Variants in UGT1A1 observed in about 807,000 individuals in gnomAD.
UGT1A1 encodes UDP-glucuronosyltransferase 1A1.
In UGT1A1, 33 loss-of-function variants were observed where a neutral mutation model predicts 40.6. That is an observed-to-expected ratio of 0.81 (90% CI 0.62 to 1.09). The LOEUF (loss-of-function observed/expected upper bound fraction) is 1.09, where lower values mean the gene tolerates loss of function less well. Among genes scored for constraint, UGT1A1 ranks in the 50% least tolerant of loss-of-function variants. The pLI is 0.00. For synonymous variants in UGT1A1, 249 were observed against 265.0 expected (o/e 0.94, Z 0.59); for missense variants, 694 against 671.2 (o/e 1.03, Z -0.38).
chr2:233,761,935 G>A (rs1036526239), intron 1 of UGT1A1, among the ~76,000 whole-genome samples: 1 of 152,192 alleles, frequency 6.6e-6, no homozygotes, highest in African/African-American at 2.4e-5. Context: ...GCACTTCCCA[G>A]GTGCTGCGTC....
Position 233,769,827 on chromosome 2 carries a change from C to A in UGT1A1, c.1304+1388C>A, listed in dbSNP as rs926014830. ...CCGTGATCATGCCACTGCACTCCAGCAACCTGGGCAACAGAGTGAGACCCT... is the reference window on the plus strand; with the variant it reads ...CCGTGATCATGCCACTGCACTCCAGAAACCTGGGCAACAGAGTGAGACCCT... On this transcript the variant is annotated intron_variant, in intron 4 of 4. Transcript: ENST00000305208. This position sits in a 1 kb window ranked among gnomAD's most constrained non-coding sequence, Gnocchi z 4.4. 26 of 649,106 alleles carry A rather than the reference C, an allele frequency of 4.0e-5. No individual in the cohort carries two copies. The highest frequency in any genetic ancestry group is 5.2e-5 in the Non-Finnish European group (23 of 440,480). 40.2% of individuals were successfully genotyped at this position (649,106 alleles called of 1,614,324 possible). A position where few individuals can be genotyped will look rare whatever the true frequency, so the allele number is the denominator to read the frequency against.
intron 1 of UGT1A1, among the ~76,000 whole-genome samples, chr2:233,763,852 CACAG>C (rs1251702771): frequency 6.6e-6 from 1 of 152,136 alleles, no homozygotes; most frequent in Admixed American, 6.5e-5. Flanking sequence ...AGCAGTGGTT[CACAG>C]ACAATCGCAA....
chr2:233,767,805 T>C lies in UGT1A1; in HGVS notation c.997-44T>C, dbSNP rs774301079. On this transcript the variant is annotated intron_variant, in intron 2 of 4. Coordinates refer to ENST00000305208, the MANE Select transcript of UGT1A1 (RefSeq NM_000463.3). The stretch of plus-strand genomic sequence containing the variant: ...GTATAGCAGATTTGTTTTCTAATCA[T>C]ATTATGTTCTTTCTTTACGTTCTGC... 24 of 1,614,048 alleles carry C rather than the reference T, an allele frequency of 1.5e-5. No homozygotes were observed. In the South Asian group the frequency reaches 2.5e-4, roughly 17 times the overall value.
At position 233,761,128 on chromosome 2, in the gene UGT1A1, C is replaced by T; in HGVS notation, c.841C>T (p.Leu281Phe). The change falls in exon 1 of 5, where the codon CTT (leucine) becomes TTT (phenylalanine). Residue 281 changes from leucine to phenylalanine, a missense_variant. By Grantham distance (22) the Leu-to-Phe change is conservative. Coordinates refer to ENST00000305208, the MANE Select transcript of UGT1A1 (RefSeq NM_000463.3). ...GGTTTTTGTTGGTGGAATCAACTGC[C>T]TTCACCAAAATCCACTATCCCAGGT... is the stretch of plus-strand genomic sequence containing the variant. ...NMVFVGGINC[L>F]HQNPLSQEFE... 1 of 1,614,190 alleles carries T rather than the reference C, an allele frequency of 6.2e-7. No homozygotes were observed. Among genetic ancestry groups the T allele is most frequent in the Non-Finnish European group, 8.5e-7 (1 of 1,180,040 alleles).
At position 233,769,766 on chromosome 2, in the gene UGT1A1, G is replaced by A; in HGVS notation, c.1304+1327G>A. On this transcript the variant is annotated intron_variant, in intron 4 of 4. Transcript: ENST00000305208. The surrounding 1 kb of genome is among the most constrained non-coding windows in gnomAD (Gnocchi z 4.4). The stretch of plus-strand genomic sequence containing the variant: ...GCCACTCTGGAGGCTAAGGCGGGAG[G>A]ATTGCTTGAGCCCAGAAGTTGGAGG... The A allele has an allele frequency of 1.4e-6, 2 of 1,395,536 alleles. No homozygotes were observed. Among genetic ancestry groups the A allele is most frequent in the South Asian group, 1.6e-5 (1 of 62,382 alleles). The allele number at this position is 1,395,536 out of a possible 1,614,324, so 86.4% of individuals were successfully genotyped here.
At chr2:233,764,522 C>G (rs1698581178) in intron 1 of UGT1A1, among the ~76,000 whole-genome samples, 1 of 152,138 alleles carries the variant, frequency 6.6e-6, no homozygotes, top group Non-Finnish European at 1.5e-5. Context: ...TGAATCACAT[C>G]CTGCTGATTG....
rs760444509 is a variant in UGT1A1 at position 233,769,505 on chromosome 2, C to G, written c.1304+1066C>G. The G allele has an allele frequency of 8.7e-6, 14 of 1,612,652 alleles. No individual in the cohort carries two copies. In the Admixed American group the frequency reaches 2.3e-4, roughly 27 times the overall value. ...CGTGTGTTTATGAGAGTGTCCATTG[C>G]TTTCTCCCATGGTTACCTCCTTTAG... On this transcript the variant is annotated intron_variant, in intron 4 of 4. Transcript: ENST00000305208. This position sits in a 1 kb window ranked among gnomAD's most constrained non-coding sequence, Gnocchi z 4.4.
At chr2:233,772,217 A>G (rs759524121) in intron 4 of UGT1A1, 45 bp from the exon 5 acceptor site, 1 of 1,612,380 alleles carries the variant, frequency 6.2e-7, no homozygotes, top group South Asian at 1.1e-5. Flanking sequence ...AGGATTGTTC[A>G]TACCACAGGT....
chr2:233,769,841 G>A lies in UGT1A1; in HGVS notation c.1304+1402G>A. On this transcript the variant is annotated intron_variant, in intron 4 of 4. Transcript: ENST00000305208. The surrounding 1 kb of genome is among the most constrained non-coding windows in gnomAD (Gnocchi z 4.4). ...CTGCACTCCAGCAACCTGGGCAACAGAGTGAGACCCTGTCTCAAAAAAAAA... is the reference window on the plus strand; with the variant it reads ...CTGCACTCCAGCAACCTGGGCAACAAAGTGAGACCCTGTCTCAAAAAAAAA... 1.8e-6 allele frequency: 1 copy of A among 550,094 alleles called. No individual in the cohort carries two copies. Among genetic ancestry groups the A allele is most frequent in the Non-Finnish European group, 2.8e-6 (1 of 353,910 alleles). The allele number at this position is 550,094 out of a possible 1,614,324, so 34.1% of individuals were successfully genotyped here.
chr2:233,771,112 C>T (rs1345932660), intron 4 of UGT1A1: 1 of 152,184 alleles, frequency 6.6e-6, no homozygotes. Flanking sequence ...CACTAAAGCA[C>T]AAGGGATCCG....
At chr2:233,764,695 A>C (rs1698624140) in intron 1 of UGT1A1, among the ~76,000 whole-genome samples, 1 of 152,184 alleles carries the variant, frequency 6.6e-6, no homozygotes. Context: ...GAGCACTTGG[A>C]AATGAGCTGT....
Position 233,761,090 on chromosome 2 carries a change from T to A in UGT1A1, c.803T>A (p.Ile268Asn). 1 of 1,614,218 alleles carries A rather than the reference T, an allele frequency of 6.2e-7. No homozygotes were observed. The highest frequency in any genetic ancestry group is 1.7e-5 in the Admixed American group (1 of 60,032). ...SDFVKDYPRP[I>N]MPNMVFVGGI... The stretch of plus-strand genomic sequence containing the variant: ...TTTGTGAAGGATTACCCTAGGCCCA[T>A]CATGCCCAATATGGTTTTTGTTGGT... The change falls in exon 1 of 5, where the codon ATC (isoleucine) becomes AAC (asparagine). Residue 268 changes from isoleucine to asparagine, a missense_variant. Ile to Asn is a moderately radical substitution (Grantham distance 149, BLOSUM62 -3). Coordinates refer to ENST00000305208, the MANE Select transcript of UGT1A1 (RefSeq NM_000463.3).
rs758873309 is a variant in UGT1A1 at position 233,767,044 on chromosome 2, C to G, written c.875C>G (p.Ala292Gly). The G allele has an allele frequency of 6.2e-7, 1 of 1,613,874 alleles. No homozygotes were observed. Among genetic ancestry groups the G allele is most frequent in the African/African-American group, 1.3e-5 (1 of 74,880 alleles). ...HQNPLSQEFE[A>G]YINASGEHGI... is the part of the protein sequence containing the mutation. ...TTCTTCTGGCTCTAGGAATTTGAAG[C>G]CTACATTAATGCTTCTGGAGAACAT... The change falls in exon 2 of 5, where the codon GCC becomes GGC. Residue 292 changes from alanine to glycine, a missense_variant. Ala to Gly is a moderately conservative substitution (Grantham distance 60). Coordinates refer to ENST00000305208, the MANE Select transcript of UGT1A1 (RefSeq NM_000463.3).
At chr2:233,764,379 G>A (rs1698547509) in intron 1 of UGT1A1, among the ~76,000 whole-genome samples, 1 of 152,204 alleles carries the variant, frequency 6.6e-6, no homozygotes, top group South Asian at 2.1e-4. Flanking sequence ...TCAGGTAGGA[G>A]TTGGCCGTGA....
chr2:233,760,299 G>A lies in UGT1A1; in HGVS notation c.12G>A (p.Glu4=), dbSNP rs781590934. 6.2e-7 allele frequency: 1 copy of A among 1,613,582 alleles called. No homozygotes were observed. The change falls in exon 1 of 5, where the codon GAG becomes GAA. Residue 4 remains glutamate, a synonymous_variant. Coordinates refer to ENST00000305208, the MANE Select transcript of UGT1A1 (RefSeq NM_000463.3). ...GGAGCAAAGGCGCCATGGCTGTGGAGTCCCAGGGCGGACGCCCACTTGTCC... is the reference window on the plus strand; with the variant it reads ...GGAGCAAAGGCGCCATGGCTGTGGAATCCCAGGGCGGACGCCCACTTGTCC... MAV[E]SQGGRPLVLG...
In UGT1A1 at chr2:233,769,594, G is replaced by A; in HGVS notation, c.1304+1155G>A. 2 of 1,612,864 alleles carry A rather than the reference G, an allele frequency of 1.2e-6. No homozygotes were observed. The highest frequency in any genetic ancestry group is 1.7e-6 in the Non-Finnish European group (2 of 1,179,872). On this transcript the variant is annotated intron_variant, in intron 4 of 4. Coordinates refer to ENST00000305208, the MANE Select transcript of UGT1A1 (RefSeq NM_000463.3). This position sits in a 1 kb window ranked among gnomAD's most constrained non-coding sequence, Gnocchi z 4.4. ...GAGCATGTTCAGATGAGAGGAGACG[G>A]AACACGGGGACACACCAGCTTGAGC... is the stretch of plus-strand genomic sequence containing the variant.
chr2:233,760,312 C>A lies in UGT1A1; in HGVS notation c.25C>A (p.Arg9Ser), dbSNP rs370790922. The A allele has an allele frequency of 6.2e-7, 1 of 1,613,816 alleles. No individual in the cohort carries two copies. Among genetic ancestry groups the A allele is most frequent in the Non-Finnish European group, 8.5e-7 (1 of 1,179,980 alleles). MAVESQGG[R>S]PLVLGLLLCV... Reference sequence around the variant, plus strand: ...CATGGCTGTGGAGTCCCAGGGCGGACGCCCACTTGTCCTGGGCCTGCTGCT... The same window carrying A: ...CATGGCTGTGGAGTCCCAGGGCGGAAGCCCACTTGTCCTGGGCCTGCTGCT... Residue 9 changes from arginine (R) to serine (S), a missense_variant, in exon 1 of 5, where the codon CGC (arginine) becomes AGC (serine). Arg to Ser is a moderately radical substitution (Grantham distance 110). Transcript: ENST00000305208.
rs1328380095 is a variant in UGT1A1, at chr2:233,769,540, G to A, written c.1304+1101G>A. On this transcript the variant is annotated intron_variant, in intron 4 of 4. Coordinates refer to ENST00000305208, the MANE Select transcript of UGT1A1 (RefSeq NM_000463.3). The surrounding 1 kb of genome is among the most constrained non-coding windows in gnomAD (Gnocchi z 4.4). ...TGGTTACCTCCTTTAGAAAGAAGCA[G>A]CAGTCAGGAAGACAGATGTGAAGAG... The A allele has an allele frequency of 1.9e-6, 3 of 1,612,926 alleles. No homozygotes were observed. In the South Asian group the frequency reaches 3.3e-5, roughly 18 times the overall value.
At chr2:233,771,541 A>C (rs1305136461) in intron 4 of UGT1A1, 1 of 152,298 alleles carries the variant, frequency 6.6e-6, no homozygotes, top group African/African-American at 2.4e-5. Flanking sequence ...TTTGGCACTT[A>C]CAAATGGCTG....
Sources: allele counts gnomAD v4.1 joint callset (sites outside exome capture counted in the v4.1 genomes callset), GRCh38; gene constraint gnomAD v4.1.1; non-coding constraint Gnocchi (gnomAD v3.1); transcripts MANE v1.5; gene names NCBI Gene and HGNC (gene_info 2026-07-23, HGNC 2026-07-21).